Variants in FHIT observed in about 807,000 individuals in gnomAD.
FHIT encodes bis(5'-adenosyl)-triphosphatase.
In FHIT, 19 loss-of-function variants were observed where a neutral mutation model predicts 17.9. The observed-to-expected ratio is 1.06, with a 90% CI of 0.74 to 1.56. The LOEUF is 1.56. FHIT is among the 40% of genes most tolerant of loss of function. The probability of loss-of-function intolerance (pLI) is 0.00; values close to 1 mark genes in which losing one functional copy is unlikely to be tolerated. For missense variants in FHIT, 248 were observed against 189.2 expected (o/e 1.31, Z -1.82); for synonymous variants, 81 against 69.7 (o/e 1.16, Z -0.81).
intron 5 of FHIT, among the ~76,000 whole-genome samples, chr3:60,105,484 ATT>A (rs1704369138): frequency 6.6e-6 from 1 of 152,180 alleles, no homozygotes; most frequent in African/African-American, 2.4e-5. Context: ...TAGGAATTAC[ATT>A]TAAAATGTAA....
At chr3:61,206,475 G>C (rs947242982) in intron 1 of FHIT, among the ~76,000 whole-genome samples, 1 of 151,924 alleles carries the variant, frequency 6.6e-6, no homozygotes, top group African/African-American at 2.4e-5. Context: ...CCATTTGTTT[G>C]TATCCTCTTT....
chr3:60,535,622 C>G (rs562153581), intron 5 of FHIT, among the ~76,000 whole-genome samples: 7 of 151,214 alleles, frequency 4.6e-5, no homozygotes, highest in African/African-American at 1.7e-4. Context: ...AAATAGTTTT[C>G]TAATATTATT....
chr3:61,118,631 T>C (rs1183306332), intron 2 of FHIT, among the ~76,000 whole-genome samples: 3 of 152,164 alleles, frequency 2.0e-5, no homozygotes, highest in African/African-American at 7.2e-5. Context: ...GGCTCAACCC[T>C]CAACTTCATC....
intron 4 of FHIT, among the ~76,000 whole-genome samples, chr3:60,545,022 C>T (rs1158421213): frequency 6.6e-6 from 1 of 151,870 alleles, no homozygotes; most frequent in Non-Finnish European, 1.5e-5. Context: ...TTTTGTCAAA[C>T]TGTGTCTTTT....
At chr3:61,004,421 G>A (rs577338267) in intron 3 of FHIT, among the ~76,000 whole-genome samples, 27 of 152,256 alleles carry the variant, frequency 1.8e-4, no homozygotes, top group Admixed American at 1.0e-3. Context: ...ATAATTTGAG[G>A]AAGGTTTAAT....
intron 7 of FHIT, among the ~76,000 whole-genome samples, chr3:59,923,180 G>A (rs1015013777): frequency 1.1e-4 from 14 of 126,392 alleles, no homozygotes; most frequent in African/African-American, 4.0e-4. Flanking sequence ...AGCTGAGATC[G>A]CGCCACTGCA....
At chr3:60,382,240 T>C (rs369258700) in intron 5 of FHIT, among the ~76,000 whole-genome samples, 1 of 152,204 alleles carries the variant, frequency 6.6e-6, no homozygotes, top group African/African-American at 2.4e-5. Flanking sequence ...GGACATAGAA[T>C]TGCGGAGTGG....
At chr3:60,982,795 T>C (rs913901739) in intron 3 of FHIT, among the ~76,000 whole-genome samples, 33 of 152,244 alleles carry the variant, frequency 2.2e-4, no homozygotes, top group South Asian at 2.1e-4. Flanking sequence ...AGTATTACCA[T>C]TGAATTCCAG....
intron 2 of FHIT, among the ~76,000 whole-genome samples, chr3:61,105,441 C>T (rs867272596): frequency 5.3e-5 from 8 of 152,030 alleles, no homozygotes; most frequent in Admixed American, 1.3e-4. Flanking sequence ...TTCACTAAGT[C>T]TATTATTACT....
chr3:60,160,803 A>T (rs1700905533), intron 5 of FHIT, among the ~76,000 whole-genome samples: 1 of 149,680 alleles, frequency 6.7e-6, no homozygotes, highest in Non-Finnish European at 1.5e-5. Flanking sequence ...TGAGAGTGAG[A>T]ATGAGAGCAT....
intron 5 of FHIT, among the ~76,000 whole-genome samples, chr3:60,493,807 A>G (rs934219473): frequency 3.9e-5 from 6 of 152,196 alleles, no homozygotes; most frequent in African/African-American, 7.2e-5. Context: ...AAATATTCCA[A>G]GGGAAAATTA....
At position 60,658,011 on chromosome 3, in the gene FHIT, T is replaced by C. The variant is rs371157254; in HGVS notation, c.-17-121032A>G. 3.9e-5 allele frequency among the ~76,000 whole-genome samples: 6 copies of C among 152,264 alleles called. No individual in the cohort carries two copies. The South Asian group carries it at 6.2e-4, about 16-fold the overall frequency. On this transcript the variant is annotated intron_variant, in intron 4 of 9. Transcript: ENST00000492590. ...TTCAGTAGTATTAAGTACATTCATA[T>C]TGTTACAACCATCACCACCTATCTA...
intron 3 of FHIT, among the ~76,000 whole-genome samples, chr3:61,040,129 G>C (rs2033437386): frequency 6.6e-6 from 1 of 152,136 alleles, no homozygotes; most frequent in Non-Finnish European, 1.5e-5. Context: ...CCCTTTAAAT[G>C]TCCAAATTAA....
At chr3:60,217,551 C>A (rs1311773401) in intron 5 of FHIT, among the ~76,000 whole-genome samples, 1 of 152,156 alleles carries the variant, frequency 6.6e-6, no homozygotes, top group Non-Finnish European at 1.5e-5. Context: ...CCTAACACCC[C>A]CTTTCTAAAT....
chr3:60,011,485 A>C, intron 6 of FHIT, 85 bp from the exon 7 acceptor site: 1 of 1,142,812 alleles, frequency 8.8e-7, no homozygotes, highest in Non-Finnish European at 1.3e-6. Context: ...TTAATAATTT[A>C]GATGCAATTT....
chr3:60,537,431 T>A (rs2036023947), intron 4 of FHIT: 2 of 973,200 alleles, frequency 2.1e-6, no homozygotes, highest in South Asian at 9.5e-5. Context: ...ATAATAGCAA[T>A]TTAGAACAAG....
intron 8 of FHIT, among the ~76,000 whole-genome samples, chr3:59,813,690 G>GT (rs1042707382): frequency 1.3e-5 from 2 of 152,100 alleles, no homozygotes; most frequent in Non-Finnish European, 2.9e-5. Flanking sequence ...TATTAGGATG[G>GT]TTTTTTAGGG....
chr3:60,582,764 C>T (rs1189385921), intron 4 of FHIT, among the ~76,000 whole-genome samples: 2 of 151,996 alleles, frequency 1.3e-5, no homozygotes, highest in Non-Finnish European at 2.9e-5. Context: ...ACAAACATAA[C>T]AACAACAAAT....
At chr3:59,975,209 T>G (rs903613752) in intron 7 of FHIT, among the ~76,000 whole-genome samples, 1 of 152,096 alleles carries the variant, frequency 6.6e-6, no homozygotes, top group African/African-American at 2.4e-5. Context: ...CACTGTTCCT[T>G]TCGCTTTCCA....
Sources: allele counts gnomAD v4.1 joint callset (sites outside exome capture counted in the v4.1 genomes callset), GRCh38; gene constraint gnomAD v4.1.1; transcripts MANE v1.5; gene names NCBI Gene and HGNC (gene_info 2026-07-23, HGNC 2026-07-21).